BUB1B: variants seen among roughly 807,000 people sequenced by gnomAD.
BUB1B encodes mitotic checkpoint serine/threonine-protein kinase BUB1 beta.
In BUB1B, 86 loss-of-function variants were observed where a neutral mutation model predicts 137.7. The ratio of observed to expected loss-of-function variants is 0.62; its 90% CI spans 0.52 to 0.75. The LOEUF is 0.75. Among genes scored for constraint, BUB1B ranks in the 30% least tolerant of loss-of-function variants. The pLI is 0.00. For synonymous variants in BUB1B, 420 were observed against 417.9 expected, an observed-to-expected ratio of 1.00 and a Z score of -0.06; for missense variants, 1,130 against 1,236.9, an observed-to-expected ratio of 0.91 and a Z score of 1.30.
chr15:40,164,800 C>G (rs1167788841), intron 1 of BUB1B, among the ~76,000 whole-genome samples: 2 of 151,918 alleles, frequency 1.3e-5, no homozygotes, highest in Admixed American at 1.3e-4. Context: ...CCGCACATAG[C>G]CATGCCCTAT....
chr15:40,176,718 A>T, intron 5 of BUB1B, 45 bp downstream of exon 5: 1 of 1,583,848 alleles, frequency 6.3e-7, no homozygotes, highest in Non-Finnish European at 8.7e-7. Flanking sequence ...AATAATAGAA[A>T]TAAATTATCT....
At chr15:40,170,710 T>C in intron 4 of BUB1B, 29 bp downstream of exon 4, 1 of 1,607,868 alleles carries the variant, frequency 6.2e-7, no homozygotes. Flanking sequence ...CCATCTGAGT[T>C]TTAAATATTA....
chr15:40,194,599 G>A (rs1197864714), intron 8 of BUB1B, among the ~76,000 whole-genome samples: 1 of 152,122 alleles, frequency 6.6e-6, no homozygotes, highest in Admixed American at 6.6e-5. Flanking sequence ...GTTGTACAAA[G>A]GTATATAAGA....
intron 11 of BUB1B, 64 bp from the exon 12 acceptor site, chr15:40,200,867 T>A: frequency 1.4e-6 from 2 of 1,425,064 alleles, no homozygotes; most frequent in Non-Finnish European, 2.0e-6. Context: ...TCTTGGACTT[T>A]TAAAAATTAA....
At chr15:40,220,250 G>A (rs985963555) in intron 22 of BUB1B, among the ~76,000 whole-genome samples, 2 of 152,172 alleles carry the variant, frequency 1.3e-5, no homozygotes, top group African/African-American at 4.8e-5. Context: ...AAAGTTAGAG[G>A]AAATAAAATT....
intron 6 of BUB1B, among the ~76,000 whole-genome samples, 199 bp downstream of exon 6, chr15:40,184,082 G>A (rs902380864): frequency 5.9e-5 from 9 of 152,146 alleles, no homozygotes; most frequent in African/African-American, 2.2e-4. Flanking sequence ...TCTTAATTAA[G>A]AAAGACCTAA....
chr15:40,218,337 T>C (rs2037829900), intron 21 of BUB1B, 119 bp from the exon 22 acceptor site: 2 of 763,346 alleles, frequency 2.6e-6, no homozygotes, highest in African/African-American at 3.4e-5. Flanking sequence ...TCTACTAAAA[T>C]GTATGTCATA....
intron 5 of BUB1B, among the ~76,000 whole-genome samples, chr15:40,180,246 C>T (rs1230139353): frequency 1.7e-5 from 2 of 118,350 alleles, no homozygotes; most frequent in South Asian, 4.9e-4. Context: ...GTCAACGTTT[C>T]GTTTCTTTTT....
At chr15:40,189,166 T>C (rs2037406902) in intron 8 of BUB1B, among the ~76,000 whole-genome samples, 1 of 151,988 alleles carries the variant, frequency 6.6e-6, no homozygotes, top group Non-Finnish European at 1.5e-5. Context: ...TGTTTGTTTG[T>C]TTTTTGTGTT....
At chr15:40,203,325 A>C (rs2037598100) in intron 14 of BUB1B, among the ~76,000 whole-genome samples, 2 of 149,084 alleles carry the variant, frequency 1.3e-5, no homozygotes, top group Admixed American at 1.3e-4. Context: ...ATATGATCTA[A>C]TTTTCATGAA....
chr15:40,177,669 A>G (rs2037238258), intron 5 of BUB1B, among the ~76,000 whole-genome samples: 1 of 152,058 alleles, frequency 6.6e-6, no homozygotes, highest in African/African-American at 2.4e-5. Context: ...TGAGTCCTCT[A>G]ACTTTATTCT....
chr15:40,202,379 T>C, intron 12 of BUB1B, 26 bp from the exon 13 acceptor site: 8 of 1,553,834 alleles, frequency 5.1e-6, no homozygotes, highest in Non-Finnish European at 4.4e-6. Flanking sequence ...ACTCCTAGAG[T>C]ATGTATCTAG....
chr15:40,169,590 A>C (rs1305872750), intron 2 of BUB1B, among the ~76,000 whole-genome samples: 1 of 149,974 alleles, frequency 6.7e-6, no homozygotes, highest in African/African-American at 2.4e-5. Context: ...TGTTAAGTAG[A>C]ATCTTAATTA....
intron 10 of BUB1B, 129 bp from the exon 11 acceptor site, chr15:40,200,115 T>C: frequency 1.4e-6 from 1 of 736,696 alleles, no homozygotes; most frequent in Non-Finnish European, 2.4e-6. Flanking sequence ...GAAATGACTT[T>C]TGTGGTACAC....
chr15:40,181,970 A>G (rs1390990443), intron 5 of BUB1B, among the ~76,000 whole-genome samples: 2 of 152,226 alleles, frequency 1.3e-5, no homozygotes, highest in East Asian at 1.9e-4. Context: ...CTGGGAGGCC[A>G]AGGCGGGGGA....
At chr15:40,214,110 G>A (rs966419785) in intron 20 of BUB1B, among the ~76,000 whole-genome samples, 1 of 152,170 alleles carries the variant, frequency 6.6e-6, no homozygotes, top group Admixed American at 6.5e-5. Flanking sequence ...TGCCACTCTA[G>A]CGAGGATGCC....
intron 5 of BUB1B, among the ~76,000 whole-genome samples, chr15:40,181,093 A>ATT (rs372589327): frequency 1.5e-5 from 2 of 137,860 alleles, no homozygotes. Context: ...TCTAGATGTG[A>ATT]TTTTTTTTTT....
At chr15:40,169,003 G>A (rs1281479868) in intron 2 of BUB1B, among the ~76,000 whole-genome samples, 1 of 151,986 alleles carries the variant, frequency 6.6e-6, no homozygotes, top group African/African-American at 2.4e-5. Flanking sequence ...TTTCATTTGT[G>A]TACTTTGTTT....
At chr15:40,198,238 T>TG (rs1358845643) in intron 9 of BUB1B, among the ~76,000 whole-genome samples, 4 of 113,222 alleles carry the variant, frequency 3.5e-5, no homozygotes, top group Non-Finnish European at 5.4e-5. Flanking sequence ...ATTTCTATTG[T>TG]GTTTTTTTTT....
Sources: gnomAD v4.1 joint callset for allele counts (sites outside exome capture counted in the v4.1 genomes callset) on GRCh38, gnomAD v4.1.1 for gene constraint, MANE v1.5 for transcripts, NCBI Gene and HGNC (gene_info 2026-07-23, HGNC 2026-07-21) for gene names.